Variants in HOGA1 observed in about 807,000 individuals in gnomAD.
The protein encoded by HOGA1 is 4-hydroxy-2-oxoglutarate aldolase, mitochondrial.
In HOGA1, 30 loss-of-function variants were observed where a neutral mutation model predicts 34.3. That is an observed-to-expected ratio of 0.87 (90% CI 0.65 to 1.19). The LOEUF (loss-of-function observed/expected upper bound fraction) is 1.19, where lower values mean the gene tolerates loss of function less well. HOGA1 is among the 50% of genes most tolerant of loss of function. HOGA1 has a pLI of 0.00. For synonymous variants in HOGA1, 161 were observed against 174.0 expected, an observed-to-expected ratio of 0.93 and a Z score of 0.59; for missense variants, 417 against 436.5, an observed-to-expected ratio of 0.96 and a Z score of 0.40.
chr10:97,600,761 G>A (rs2041109540), intron 5 of HOGA1: 1 of 165,434 alleles, frequency 6.0e-6, no homozygotes, highest in Admixed American at 5.6e-5. Context: ...AAGCCCCAGT[G>A]AGTAGAGATT....
intron 6 of HOGA1, chr10:97,602,709 A>G: frequency 2.7e-5 from 17 of 625,102 alleles, no homozygotes; most frequent in Non-Finnish European, 3.4e-5. Context: ...TTTTTTAGAC[A>G]GAGTCTTGCT....
chr10:97,607,396 C>T (rs1309770476), intron 6 of HOGA1, among the ~76,000 whole-genome samples: 3 of 152,200 alleles, frequency 2.0e-5, no homozygotes, highest in Admixed American at 6.5e-5. Context: ...GGCTGGTTTT[C>T]GGCTGGAGTA....
In HOGA1 at chr10:97,601,952, C is replaced by T. The variant is rs752277936; in HGVS notation, c.796C>T (p.Gln266Ter). 6.2e-7 allele frequency: 1 copy of T among 1,613,084 alleles called. No homozygotes were observed. The highest frequency in any genetic ancestry group is 8.5e-7 in the Non-Finnish European group (1 of 1,179,862). The part of the protein sequence containing the change: ...LCCTGQWEDA[Q>*]KLQHRLIEPN... ...CTGCACGGGGCAATGGGAAGATGCC[C>T]AGAAACTGCAGCACCGCCTCATTGA... Residue 266 changes from glutamine to a stop codon, truncating the protein, a stop_gained, in exon 6 of 7, where the codon CAG becomes TAG. Coordinates refer to ENST00000370646, the MANE Select transcript of HOGA1 (RefSeq NM_138413.4). LOFTEE classifies it high-confidence loss of function.
At chr10:97,599,552 A>C (rs2041099533) in intron 3 of HOGA1, 128 bp from the exon 4 acceptor site, 7 of 1,203,120 alleles carry the variant, frequency 5.8e-6, no homozygotes, top group Non-Finnish European at 8.6e-6. Context: ...GGCACGTAGC[A>C]TGGGAGGGAG....
chr10:97,611,815 AG>A lies in HOGA1; in HGVS notation c.*158del. ...TGTGGTCCTCCAGGCAGCCTTTCAC[AG>A]GCACGCCCATGCATATCTCCTATTC... On this transcript the variant is annotated 3_prime_UTR_variant, in exon 7 of 7. Transcript: ENST00000370646. 1 of 804,820 alleles carries A rather than the reference AG, an allele frequency of 1.2e-6. No individual in the cohort carries two copies. 49.9% of individuals were successfully genotyped at this position (804,820 alleles called of 1,614,324 possible).
At position 97,598,877 on chromosome 10, in the gene HOGA1, T is replaced by C. The variant is rs1327863268; in HGVS notation, c.314T>C (p.Leu105Pro). 1.2e-6 allele frequency: 2 copies of C among 1,613,970 alleles called. No individual in the cohort carries two copies. Among genetic ancestry groups the C allele is most frequent in the African/African-American group, 2.7e-5 (2 of 74,916 alleles). The change falls in exon 2 of 7, where the codon CTC (leucine) becomes CCC (proline). Residue 105 changes from leucine (L) to proline (P), a missense_variant. Leu to Pro is a moderately conservative substitution (Grantham distance 98). Transcript: ENST00000370646. ...CGCCAGGCCATGCCCAAGAACAGGC[T>C]CCTGCTAGCTGGCTCCGGATGCGAG... ...RVRQAMPKNR[L>P]LLAGSGCEST...
intron 1 of HOGA1, chr10:97,589,755 A>G: frequency 1.4e-6 from 1 of 695,022 alleles, no homozygotes; most frequent in East Asian, 2.5e-5. Context: ...TTCAAGCATG[A>G]ATCATACCAC....
Position 97,611,791 on chromosome 10 carries a change from G to A in HOGA1, c.*132G>A. The A allele has an allele frequency of 2.7e-6, 3 of 1,130,444 alleles. No homozygotes were observed. Among genetic ancestry groups the A allele is most frequent in the Non-Finnish European group, 3.8e-6 (3 of 787,420 alleles). 70.0% of individuals were successfully genotyped at this position (1,130,444 alleles called of 1,614,324 possible). ...GCCGATAGAGGCTCCTTTGCCTGCT[G>A]TGGTCCTCCAGGCAGCCTTTCACAG... On this transcript the variant is annotated 3_prime_UTR_variant, in exon 7 of 7. Coordinates refer to ENST00000370646, the MANE Select transcript of HOGA1 (RefSeq NM_138413.4).
intron 6 of HOGA1, 34 bp from the exon 7 acceptor site, chr10:97,611,476 T>C (rs951373322): frequency 6.2e-7 from 1 of 1,613,836 alleles, no homozygotes; most frequent in African/African-American, 1.3e-5. Context: ...TTCAGCAAAT[T>C]TCTCAGTCTC....
chr10:97,588,914 T>C (rs2040994238), intron 1 of HOGA1, among the ~76,000 whole-genome samples: 2 of 152,186 alleles, frequency 1.3e-5, no homozygotes, highest in Non-Finnish European at 2.9e-5. Context: ...GGCCTGTTTA[T>C]ACCCTGAGAG....
intron 1 of HOGA1, among the ~76,000 whole-genome samples, chr10:97,587,509 T>G (rs973456121): frequency 3.3e-5 from 5 of 152,012 alleles, no homozygotes; most frequent in Non-Finnish European, 5.9e-5. Flanking sequence ...TCCCTGAAAC[T>G]GTGTAGCTTT....
At chr10:97,596,378 C>T (rs888238953) in intron 1 of HOGA1, among the ~76,000 whole-genome samples, 4 of 152,116 alleles carry the variant, frequency 2.6e-5, no homozygotes, top group East Asian at 1.9e-4. Flanking sequence ...AATCAGTGGC[C>T]GCAGCAAGAA....
chr10:97,601,919 C>A lies in HOGA1; in HGVS notation c.763C>A (p.Arg255=), dbSNP rs796052086. The A allele has an allele frequency of 6.2e-7, 1 of 1,612,992 alleles. No individual in the cohort carries two copies. Among genetic ancestry groups the A allele is most frequent in the African/African-American group, 1.3e-5 (1 of 75,012 alleles). ...GGGGGCTCAGGTGTGCCAGCTGGAG[C>A]GACTGTGCTGCACGGGGCAATGGGA... ...VLGAQVCQLE[R]LCCTGQWEDA... The change falls in exon 6 of 7, where the codon CGA becomes AGA. Residue 255 remains arginine, a synonymous_variant. Coordinates refer to ENST00000370646, the MANE Select transcript of HOGA1 (RefSeq NM_138413.4).
At chr10:97,585,609 G>C (rs1051312380) in intron 1 of HOGA1, among the ~76,000 whole-genome samples, 3 of 152,210 alleles carry the variant, frequency 2.0e-5, no homozygotes, top group African/African-American at 4.8e-5. Flanking sequence ...CCATCCCACA[G>C]ATGGGAATCT....
Position 97,601,575 on chromosome 10 carries a change from G to A in HOGA1, c.701-282G>A, listed in dbSNP as rs1003275226. Among the ~76,000 whole-genome samples, 2 of 152,176 alleles carry A rather than the reference G, an allele frequency of 1.3e-5. 1 individual carries two copies. The highest frequency in any genetic ancestry group is 4.1e-4 in the South Asian group (2 of 4,832). On this transcript the variant is annotated intron_variant, in intron 5 of 6. Transcript: ENST00000370646. ...GATTTTATTCCGGGAGGGGTTCAGG[G>A]AAGGAACCGTCCTTGAGTTCACTTT...
Position 97,599,079 on chromosome 10 carries a change from C to T in HOGA1, c.341-10C>T. 1 of 1,612,402 alleles carries T rather than the reference C, an allele frequency of 6.2e-7. No homozygotes were observed. The highest frequency in any genetic ancestry group is 8.5e-7 in the Non-Finnish European group (1 of 1,179,998). On this transcript the variant is annotated splice_polypyrimidine_tract_variant and intron_variant, in intron 2 of 6. Transcript: ENST00000370646. ...TCTGCCTGCTCTCACCTCTCTCCTT[C>T]CTCTGGCAGCCACTCAAGCCACAGT...
chr10:97,596,483 T>C (rs990041313), intron 1 of HOGA1, among the ~76,000 whole-genome samples: 19 of 152,260 alleles, frequency 1.2e-4, no homozygotes, highest in Non-Finnish European at 2.8e-4. Context: ...TTTGACTCTT[T>C]AGTCAGAGGG....
intron 1 of HOGA1, among the ~76,000 whole-genome samples, chr10:97,587,498 C>A (rs960278050): frequency 1.3e-5 from 2 of 152,076 alleles, no homozygotes; most frequent in Non-Finnish European, 2.9e-5. Flanking sequence ...CTGGAAAGCA[C>A]TCCCTGAAAC....
At chr10:97,588,764 G>A (rs1322516119) in intron 1 of HOGA1, among the ~76,000 whole-genome samples, 1 of 151,972 alleles carries the variant, frequency 6.6e-6, no homozygotes, top group African/African-American at 2.4e-5. Flanking sequence ...ATAATATTTT[G>A]TATATATTAA....
Sources: gnomAD v4.1 joint callset for allele counts (sites outside exome capture counted in the v4.1 genomes callset) on GRCh38, gnomAD v4.1.1 for gene constraint, MANE v1.5 for transcripts, NCBI Gene and HGNC (gene_info 2026-07-23, HGNC 2026-07-21) for gene names.